Variants in FGD4 observed in about 807,000 individuals in gnomAD.
FGD4 encodes the protein FYVE, RhoGEF and PH domain-containing protein 4.
In FGD4, 42 loss-of-function variants were observed where a neutral mutation model predicts 102.0. The observed-to-expected ratio is 0.41, with a 90% CI of 0.32 to 0.53. The LOEUF is 0.53. Among genes scored for constraint, FGD4 ranks in the 20% least tolerant of loss-of-function variants. The pLI, the probability that FGD4 is intolerant of heterozygous loss-of-function variation, is 0.21. For missense variants in FGD4, 902 were observed against 1,078.2 expected, an observed-to-expected ratio of 0.84 and a Z score of 2.29; for synonymous variants, 380 against 375.7, an observed-to-expected ratio of 1.01 and a Z score of -0.13.
chr12:32,591,718 A>G (rs1247603369), intron 4 of FGD4, among the ~76,000 whole-genome samples: 4 of 152,190 alleles, frequency 2.6e-5, no homozygotes, highest in African/African-American at 9.6e-5. Flanking sequence ...GTCTGAACAG[A>G]GCTGCAGGAT....
chr12:32,552,264 T>C (rs1300076669), intron 1 of FGD4, among the ~76,000 whole-genome samples: 1 of 152,148 alleles, frequency 6.6e-6, no homozygotes, highest in Non-Finnish European at 1.5e-5. Context: ...TATTTGTTTC[T>C]TTGTTTGTTT....
chr12:32,582,549 C>A, intron 4 of FGD4, 82 bp downstream of exon 4: 1 of 1,556,372 alleles, frequency 6.4e-7, no homozygotes. Flanking sequence ...TATTGCACCC[C>A]TGAAATGTAT....
At chr12:32,427,713 C>T (rs753030128) in intron 1 of FGD4, among the ~76,000 whole-genome samples, 10 of 152,222 alleles carry the variant, frequency 6.6e-5, no homozygotes, top group African/African-American at 1.2e-4. Context: ...CTTTGTAGGT[C>T]GCTAAGAACT....
intron 15 of FGD4, among the ~76,000 whole-genome samples, chr12:32,638,028 T>C (rs1950948074): frequency 6.6e-6 from 1 of 152,210 alleles, no homozygotes; most frequent in Admixed American, 6.5e-5. Flanking sequence ...TGCTTTTATA[T>C]TCTTTCTTAA....
intron 1 of FGD4, among the ~76,000 whole-genome samples, chr12:32,400,206 C>T (rs1940595369): frequency 6.6e-6 from 1 of 152,224 alleles, no homozygotes; most frequent in African/African-American, 2.4e-5. Flanking sequence ...TCAGAAAATT[C>T]AGAAAGTACA....
rs372345507 is a variant in FGD4 at position 32,491,087 on chromosome 12, T to C, written c.167-73050T>C. Among the ~76,000 whole-genome samples, 238 of 145,032 alleles carry C rather than the reference T, an allele frequency of 1.6e-3. 2 individuals carry two copies. The highest frequency in any genetic ancestry group is 6.0e-3 in the African/African-American group (236 of 39,576). ...CACTCTTTTCAATGACTTTTGGTTT[T>C]GGCCAGTATGAAGAGTAATGGATGT... On this transcript the variant is annotated intron_variant, in intron 1 of 16. Transcript: ENST00000534526.
At chr12:32,618,795 A>T (rs1949606016) in intron 10 of FGD4, among the ~76,000 whole-genome samples, 1 of 152,162 alleles carries the variant, frequency 6.6e-6, no homozygotes, top group Non-Finnish European at 1.5e-5. Flanking sequence ...ACATAGCAAG[A>T]CCTCATCTCT....
intron 10 of FGD4, among the ~76,000 whole-genome samples, chr12:32,611,791 G>A (rs1250033167): frequency 6.6e-6 from 1 of 152,202 alleles, no homozygotes; most frequent in Non-Finnish European, 1.5e-5. Context: ...GGCAGTAGTG[G>A]CCCATCTGGA....
chr12:32,466,689 G>A (rs1158747949), intron 1 of FGD4, among the ~76,000 whole-genome samples: 1 of 151,842 alleles, frequency 6.6e-6, no homozygotes, highest in Non-Finnish European at 1.5e-5. Flanking sequence ...CCAATATGGC[G>A]TAACCCTGTC....
At position 32,593,323 on chromosome 12, in the gene FGD4, G is replaced by A. The variant is rs370773216; in HGVS notation, c.1012-5174G>A. ...ACCTAAAGCAAGGCACAATTAGTCC[G>A]TGATTTACTCATCTCCATCCCAAAA... is the stretch of plus-strand genomic sequence containing the variant. On this transcript the variant is annotated intron_variant, in intron 4 of 16. Transcript: ENST00000534526. Among the ~76,000 whole-genome samples the A allele has an allele frequency of 6.6e-5, 10 of 152,266 alleles. 1 individual carries two copies. The highest frequency in any genetic ancestry group is 1.3e-4 in the Admixed American group (2 of 15,292).
At chr12:32,442,784 C>T (rs927892544) in intron 1 of FGD4, among the ~76,000 whole-genome samples, 6 of 152,090 alleles carry the variant, frequency 3.9e-5, no homozygotes, top group African/African-American at 1.4e-4. Context: ...TCTCGAACTC[C>T]TGAGCCCAGG....
chr12:32,563,965 C>T lies in FGD4; in HGVS notation c.167-172C>T, dbSNP rs897297456. 1.5e-4 allele frequency among the ~76,000 whole-genome samples: 20 copies of T among 136,680 alleles called. No homozygotes were observed. In the East Asian group the frequency reaches 1.5e-3, roughly 10 times the overall value. 89.7% of individuals were successfully genotyped at this position (136,680 alleles called of 152,430 possible). A position where few individuals can be genotyped will look rare whatever the true frequency, so the allele number is the denominator to read the frequency against. Reference sequence around the variant, plus strand: ...AGATGGCAGCAGTACAGTCCAGCTTCGGCTCGGCATCAGAGGGAGACCGTG... The same window carrying T: ...AGATGGCAGCAGTACAGTCCAGCTTTGGCTCGGCATCAGAGGGAGACCGTG... On this transcript the variant is annotated intron_variant, in intron 1 of 16. Coordinates refer to ENST00000534526, the MANE Select transcript of FGD4 (RefSeq NM_001370298.3).
At chr12:32,485,290 C>G (rs1943862823) in intron 1 of FGD4, among the ~76,000 whole-genome samples, 1 of 152,132 alleles carries the variant, frequency 6.6e-6, no homozygotes, top group Non-Finnish European at 1.5e-5. Context: ...ACCCGCATAA[C>G]CATTCCTGGA....
At chr12:32,418,596 C>G (rs1439878805) in intron 1 of FGD4, among the ~76,000 whole-genome samples, 1 of 152,174 alleles carries the variant, frequency 6.6e-6, no homozygotes, top group African/African-American at 2.4e-5. Flanking sequence ...CCACCTGGAC[C>G]TTGGGGGGTG....
chr12:32,438,450 G>T (rs1430699263), intron 1 of FGD4, among the ~76,000 whole-genome samples: 1 of 152,002 alleles, frequency 6.6e-6, no homozygotes, highest in East Asian at 1.9e-4. Context: ...TCTTCAATAA[G>T]CTTGCTTTTA....
chr12:32,601,215 A>G (rs1348135399), intron 5 of FGD4, 63 bp from the exon 6 acceptor site: 1 of 1,494,972 alleles, frequency 6.7e-7, no homozygotes, highest in Admixed American at 1.9e-5. Context: ...CTATGTGCCT[A>G]GCACAGTGCT....
chr12:32,585,378 A>T (rs544042353), intron 4 of FGD4, among the ~76,000 whole-genome samples: 80 of 151,844 alleles, frequency 5.3e-4, no homozygotes, highest in African/African-American at 1.9e-3. Context: ...ATGTGAAAAA[A>T]ATTGAACTGT....
intron 2 of FGD4, among the ~76,000 whole-genome samples, chr12:32,567,692 T>C (rs572574416): frequency 6.6e-6 from 1 of 151,422 alleles, no homozygotes; most frequent in African/African-American, 2.4e-5. Flanking sequence ...TGGGCTTTTT[T>C]TTTTTTTTTT....
chr12:32,556,582 C>A (rs12299432), intron 1 of FGD4, among the ~76,000 whole-genome samples: 5 of 152,102 alleles, frequency 3.3e-5, no homozygotes, highest in Non-Finnish European at 5.9e-5. Flanking sequence ...TCCTGCTGGG[C>A]GCAGTGGCTC....
Sources: gnomAD v4.1 joint callset for allele counts (sites outside exome capture counted in the v4.1 genomes callset) on GRCh38, gnomAD v4.1.1 for gene constraint, MANE v1.5 for transcripts, NCBI Gene and HGNC (gene_info 2026-07-23, HGNC 2026-07-21) for gene names.